CYB5R4: variants seen among roughly 807,000 people sequenced by gnomAD.
The protein encoded by CYB5R4 is cytochrome b5 reductase 4, also known as N-terminal cytochrome b5 and cytochrome b5 oxidoreductase domain-containing protein.
A neutral mutation model predicts 70.2 loss-of-function variants in CYB5R4; 55 were observed. The observed-to-expected ratio is 0.78, with a 90% CI of 0.63 to 0.98. CYB5R4 has a LOEUF of 0.98. CYB5R4 is among the 50% of genes least tolerant of loss of function. The pLI is 0.00. For synonymous variants in CYB5R4, 197 were observed against 199.5 expected, an observed-to-expected ratio of 0.99 and a Z score of 0.11; for missense variants, 562 against 612.6, an observed-to-expected ratio of 0.92 and a Z score of 0.87.
At chr6:83,881,374 T>G (rs922198135) in intron 2 of CYB5R4, among the ~76,000 whole-genome samples, 5 of 152,082 alleles carry the variant, frequency 3.3e-5, no homozygotes, top group African/African-American at 1.2e-4. Flanking sequence ...AGCGTCTTGC[T>G]TTGTTGCCCA....
At chr6:83,862,573 A>G (rs1398040749) in intron 1 of CYB5R4, among the ~76,000 whole-genome samples, 2 of 152,204 alleles carry the variant, frequency 1.3e-5, no homozygotes, top group Non-Finnish European at 1.5e-5. Flanking sequence ...CCATTTGGCT[A>G]AAGTATATAA....
chr6:83,947,832 A>G (rs1037252942), intron 14 of CYB5R4, among the ~76,000 whole-genome samples: 4 of 152,220 alleles, frequency 2.6e-5, no homozygotes, highest in Non-Finnish European at 4.4e-5. Flanking sequence ...ATACCATCTC[A>G]CATCATTAGG....
At chr6:83,884,120 C>T (rs1024271557) in intron 2 of CYB5R4, among the ~76,000 whole-genome samples, 7 of 151,836 alleles carry the variant, frequency 4.6e-5, no homozygotes, top group Admixed American at 1.3e-4. Context: ...GTAAATGAAT[C>T]GAGCACTCTA....
In CYB5R4 at chr6:83,899,439, G is replaced by T. The variant is rs2099462490; in HGVS notation, c.330+5817G>T. 3.3e-5 allele frequency among the ~76,000 whole-genome samples: 5 copies of T among 152,098 alleles called. No individual in the cohort carries two copies. In the South Asian group the frequency reaches 1.0e-3, roughly 32 times the overall value. ...GTCTAAAATTCTCTTTTTCTGTTGTGTCTCTGCCAGGCTTTGATATGAGGA... is the reference window on the plus strand; with the variant it reads ...GTCTAAAATTCTCTTTTTCTGTTGTTTCTCTGCCAGGCTTTGATATGAGGA... On this transcript the variant is annotated intron_variant, in intron 3 of 15. Transcript: ENST00000369681.
rs553165322 is a variant in CYB5R4, at chr6:83,963,607, T to A, written c.*3729T>A. On this transcript the variant is annotated 3_prime_UTR_variant, in exon 16 of 16. Coordinates refer to ENST00000369681, the MANE Select transcript of CYB5R4 (RefSeq NM_016230.4). ...CCCAGCATTGCAAGTTTAGCAGACC[T>A]CAAAACAGAATGCCAAAGTGATCTT... The A allele has an allele frequency of 3.9e-5, 6 of 152,310 alleles. No individual in the cohort carries two copies. The highest frequency in any genetic ancestry group is 2.6e-4 in the Admixed American group (4 of 15,302). 9.4% of individuals were successfully genotyped at this position (152,310 alleles called of 1,614,324 possible).
chr6:83,961,030 C>G lies in CYB5R4; in HGVS notation c.*1152C>G, dbSNP rs2099473257. On this transcript the variant is annotated 3_prime_UTR_variant, in exon 16 of 16. Coordinates refer to ENST00000369681, the MANE Select transcript of CYB5R4 (RefSeq NM_016230.4). ...CAGAAATAGGGGATTGAAAGAGTCT[C>G]CAATTTCTCTGTAAATGATTTTGTA... 6.6e-6 allele frequency: 1 copy of G among 152,174 alleles called. No homozygotes were observed. Among genetic ancestry groups the G allele is most frequent in the Non-Finnish European group, 1.5e-5 (1 of 68,036 alleles). The allele number at this position is 152,174 out of a possible 1,614,324, so 9.4% of individuals were successfully genotyped here. A position where few individuals can be genotyped will look rare whatever the true frequency, so the allele number is the denominator to read the frequency against.
intron 4 of CYB5R4, among the ~76,000 whole-genome samples, chr6:83,911,811 A>C (rs2099464730): frequency 6.6e-6 from 1 of 152,092 alleles, no homozygotes; most frequent in Non-Finnish European, 1.5e-5. Context: ...TGGGATGCCA[A>C]GGCAGGTGAA....
At chr6:83,913,410 T>C (rs562543217) in intron 4 of CYB5R4, among the ~76,000 whole-genome samples, 149 of 152,344 alleles carry the variant, frequency 9.8e-4, no homozygotes, top group African/African-American at 3.3e-3. Context: ...ACTGGAGTGG[T>C]AGATTTCATT....
intron 15 of CYB5R4, among the ~76,000 whole-genome samples, chr6:83,955,725 C>A (rs945580396): frequency 6.6e-6 from 1 of 152,204 alleles, no homozygotes; most frequent in Non-Finnish European, 1.5e-5. Flanking sequence ...GTTACACTCA[C>A]AAGATTGGTG....
At chr6:83,884,194 G>C (rs2099459906) in intron 2 of CYB5R4, among the ~76,000 whole-genome samples, 2 of 151,658 alleles carry the variant, frequency 1.3e-5, no homozygotes, top group Non-Finnish European at 2.9e-5. Context: ...ATTATCTATT[G>C]ATAATTATCT....
In CYB5R4 at chr6:83,955,278, G is replaced by A. The variant is rs1405402567; in HGVS notation, c.1347-20G>A. ...TGTTTAAAATAATAAACTTTAAAAA[G>A]CTGTTTTTCTTTTCCCTAGACTGGA... On this transcript the variant is annotated intron_variant, in intron 14 of 15. Transcript: ENST00000369681. The A allele has an allele frequency of 8.9e-6, 14 of 1,568,700 alleles. No homozygotes were observed. Among genetic ancestry groups the A allele is most frequent in the Non-Finnish European group, 1.2e-5 (14 of 1,157,900 alleles).
chr6:83,950,017 C>T (rs1168004584), intron 14 of CYB5R4, among the ~76,000 whole-genome samples: 2 of 152,078 alleles, frequency 1.3e-5, no homozygotes, highest in Non-Finnish European at 2.9e-5. Flanking sequence ...AACAGTGACA[C>T]GATATTGTGT....
intron 4 of CYB5R4, among the ~76,000 whole-genome samples, chr6:83,911,524 T>C (rs893036953): frequency 3.9e-5 from 6 of 152,168 alleles, no homozygotes; most frequent in Non-Finnish European, 8.8e-5. Context: ...ATGAGGAATG[T>C]AGCTACAAGA....
At chr6:83,923,816 A>G (rs1253382136) in intron 9 of CYB5R4, among the ~76,000 whole-genome samples, 2 of 151,982 alleles carry the variant, frequency 1.3e-5, no homozygotes, top group Non-Finnish European at 2.9e-5. Flanking sequence ...AATGTTAACG[A>G]AACAAATTAG....
At chr6:83,912,894 G>A (rs1011238705) in intron 4 of CYB5R4, among the ~76,000 whole-genome samples, 3 of 152,056 alleles carry the variant, frequency 2.0e-5, no homozygotes, top group Non-Finnish European at 2.9e-5. Context: ...ACTTGGTGGT[G>A]GGGGGGAACT....
intron 4 of CYB5R4, chr6:83,910,061 A>G: frequency 6.2e-7 from 1 of 1,612,574 alleles, no homozygotes; most frequent in Non-Finnish European, 8.5e-7. Context: ...TCTTTGGTTC[A>G]TCCTAGGCAA....
chr6:83,933,642 G>T (rs1017452224), intron 10 of CYB5R4, among the ~76,000 whole-genome samples: 2 of 152,130 alleles, frequency 1.3e-5, no homozygotes, highest in African/African-American at 4.8e-5. Flanking sequence ...CTGATATGCT[G>T]TTTATGTTCA....
intron 3 of CYB5R4, among the ~76,000 whole-genome samples, chr6:83,899,139 A>T (rs190166495): frequency 6.6e-6 from 1 of 152,236 alleles, no homozygotes; most frequent in Non-Finnish European, 1.5e-5. Context: ...GATATGTGGC[A>T]TCAGTACCTA....
At chr6:83,940,008 G>GTT in intron 12 of CYB5R4, 48 bp from the exon 13 acceptor site, 2 of 1,388,648 alleles carry the variant, frequency 1.4e-6, no homozygotes, top group Non-Finnish European at 1.9e-6. Flanking sequence ...TTTTTGTTTT[G>GTT]TTTTTTGTTT....
Sources: allele counts gnomAD v4.1 joint callset (sites outside exome capture counted in the v4.1 genomes callset), GRCh38; gene constraint gnomAD v4.1.1; transcripts MANE v1.5; gene names NCBI Gene and HGNC (gene_info 2026-07-23, HGNC 2026-07-21).